Variants in NALF1 observed in about 807,000 individuals in gnomAD.
NALF1 encodes the protein family with sequence similarity 155 member A.
In NALF1, 3 loss-of-function variants were observed where a neutral mutation model predicts 48.4. The observed-to-expected ratio is 0.06, with a 90% confidence interval of 0.03 to 0.16. The LOEUF is 0.16. Among genes scored for constraint, NALF1 ranks in the 10% least tolerant of loss-of-function variants. The pLI is 1.00. For missense variants in NALF1, 526 were observed against 571.5 expected (o/e 0.92, Z 0.81); for synonymous variants, 262 against 245.7 (o/e 1.07, Z -0.62).
intron 2 of NALF1, among the ~76,000 whole-genome samples, chr13:107,209,944 A>C (rs1039591820): frequency 6.6e-6 from 1 of 152,146 alleles, no homozygotes; most frequent in African/African-American, 2.4e-5. Context: ...TATTCTGTCT[A>C]AATTATGTAA....
chr13:107,839,498 A>G (rs980430235), intron 1 of NALF1, among the ~76,000 whole-genome samples: 1 of 151,604 alleles, frequency 6.6e-6, no homozygotes, highest in African/African-American at 2.4e-5. Flanking sequence ...GTTGCCAGGC[A>G]TTGTACAAGC....
chr13:107,745,412 A>G (rs961303632), intron 1 of NALF1, among the ~76,000 whole-genome samples: 1 of 152,216 alleles, frequency 6.6e-6, no homozygotes, highest in African/African-American at 2.4e-5. Context: ...GTTGGATTAA[A>G]TGATTACAAA....
chr13:107,865,937 A>G lies in NALF1; in HGVS notation c.660T>C (p.Asp220=). 6.2e-7 allele frequency: 1 copy of G among 1,613,826 alleles called. No individual in the cohort carries two copies. The highest frequency in any genetic ancestry group is 8.5e-7 in the Non-Finnish European group (1 of 1,180,008). Reference sequence around the variant, plus strand: ...AGGAATTACAAAACGAAAGGTAAAAATCCGACAAGTTCCAGAGCGGAGTGG... The same window carrying G: ...AGGAATTACAAAACGAAAGGTAAAAGTCCGACAAGTTCCAGAGCGGAGTGG... ...KHPTPLWNLS[D]FYLSFCNSYT... is the part of the protein sequence containing the mutation. Residue 220 remains aspartate, a synonymous_variant, in exon 1 of 3, where the codon GAT becomes GAC. Coordinates refer to ENST00000375915, the MANE Select transcript of NALF1 (RefSeq NM_001080396.3).
At chr13:107,262,723 T>C (rs7332813) in intron 1 of NALF1, among the ~76,000 whole-genome samples, 147,739 of 151,570 alleles carry the variant, frequency 0.97, 72,119 homozygotes, top group East Asian at 1. Context: ...ATTATCAGGG[T>C]GAAAGACATC....
Position 107,866,361 on chromosome 13 carries a change from T to C in NALF1, c.236A>G (p.Gln79Arg), listed in dbSNP as rs1476528864. ...CCTCTGCTGCTGCTGCTGCTGCTGC[T>C]GCTGCCGCTGCTGCTGCTGGTGCTC... ...DKEHQQQQRQ[Q>R]QQQQQQQRQR... Residue 79 changes from glutamine (Q) to arginine (R), a missense_variant, in exon 1 of 3, where the codon CAG becomes CGG. Physicochemically the swap from Gln to Arg is conservative, Grantham distance 43. Coordinates refer to ENST00000375915, the MANE Select transcript of NALF1 (RefSeq NM_001080396.3). The surrounding 1 kb of genome is among the most constrained non-coding windows in gnomAD (Gnocchi z 4.4). 7.0e-5 allele frequency: 110 copies of C among 1,571,218 alleles called. No individual in the cohort carries two copies. Among genetic ancestry groups the C allele is most frequent in the South Asian group, 8.8e-5 (8 of 90,512 alleles).
chr13:107,304,438 T>G (rs1412773230), intron 1 of NALF1, among the ~76,000 whole-genome samples: 1 of 152,228 alleles, frequency 6.6e-6, no homozygotes, highest in Admixed American at 6.5e-5. Flanking sequence ...CATTTTCCTT[T>G]AAAGAACTTG....
At chr13:107,758,073 T>C (rs1453306499) in intron 1 of NALF1, among the ~76,000 whole-genome samples, 2 of 152,150 alleles carry the variant, frequency 1.3e-5, no homozygotes, top group African/African-American at 4.8e-5. Context: ...CCTTCAAAAG[T>C]GACAAGAGAA....
intron 1 of NALF1, among the ~76,000 whole-genome samples, chr13:107,212,629 G>A (rs1418774797): frequency 6.6e-6 from 1 of 152,104 alleles, no homozygotes; most frequent in African/African-American, 2.4e-5. Flanking sequence ...AGTTGAAAAC[G>A]TTTGTCAAAA....
At chr13:107,576,936 G>A (rs972506386) in intron 1 of NALF1, among the ~76,000 whole-genome samples, 3 of 152,182 alleles carry the variant, frequency 2.0e-5, no homozygotes, top group Admixed American at 1.3e-4. Flanking sequence ...AGCATTACAA[G>A]GAAGGGAGTT....
rs1373455596 is a variant in NALF1 at position 107,169,709 on chromosome 13, G to A, written c.*788C>T. ...ACTGTCTGATTCCACCTATTATGGA[G>A]AGCACTTGTTTGTTCAGCTAAAAAG... On this transcript the variant is annotated 3_prime_UTR_variant, in exon 3 of 3. Coordinates refer to ENST00000375915, the MANE Select transcript of NALF1 (RefSeq NM_001080396.3). 1.3e-5 allele frequency: 2 copies of A among 152,562 alleles called. No homozygotes were observed. The highest frequency in any genetic ancestry group is 2.9e-5 in the Non-Finnish European group (2 of 68,048). 9.5% of individuals were successfully genotyped at this position (152,562 alleles called of 1,614,324 possible).
At chr13:107,286,726 G>C (rs958279654) in intron 1 of NALF1, among the ~76,000 whole-genome samples, 10 of 152,034 alleles carry the variant, frequency 6.6e-5, no homozygotes, top group African/African-American at 1.7e-4. Context: ...ACGACATATT[G>C]ATACATGGAT....
chr13:107,408,337 C>T (rs1883934368), intron 1 of NALF1, among the ~76,000 whole-genome samples: 1 of 151,914 alleles, frequency 6.6e-6, no homozygotes. Context: ...TACCCATTTA[C>T]CCTGATGTGA....
intron 1 of NALF1, among the ~76,000 whole-genome samples, chr13:107,505,882 T>C (rs747547635): frequency 3.3e-5 from 5 of 152,190 alleles, no homozygotes; most frequent in South Asian, 2.1e-4. Context: ...TTTCCCACTA[T>C]ATTAAAAACT....
intron 1 of NALF1, among the ~76,000 whole-genome samples, chr13:107,779,434 T>C (rs778723327): frequency 1.3e-5 from 2 of 152,242 alleles, no homozygotes; most frequent in Non-Finnish European, 2.9e-5. Context: ...GTCACACTTA[T>C]GATGATATTG....
chr13:107,213,171 TA>T (rs1350785503), intron 1 of NALF1, among the ~76,000 whole-genome samples: 4 of 150,212 alleles, frequency 2.7e-5, no homozygotes, highest in Non-Finnish European at 5.9e-5. Context: ...TATCCATTTT[TA>T]TTCTGGCTCC....
At chr13:107,801,728 A>G (rs1878618696) in intron 1 of NALF1, among the ~76,000 whole-genome samples, 2 of 152,208 alleles carry the variant, frequency 1.3e-5, no homozygotes, top group African/African-American at 4.8e-5. Flanking sequence ...TAACATTGAT[A>G]GAGAGCAATT....
At chr13:107,690,407 C>T (rs1297057886) in intron 1 of NALF1, among the ~76,000 whole-genome samples, 4 of 152,302 alleles carry the variant, frequency 2.6e-5, no homozygotes, top group Admixed American at 1.3e-4. Context: ...GTTTCCAGGA[C>T]TTGACTTCCC....
chr13:107,801,305 C>T lies in NALF1; in HGVS notation c.915+64377G>A, dbSNP rs142649421. On this transcript the variant is annotated intron_variant, in intron 1 of 2. Transcript: ENST00000375915. ...TTCTGAGGTACCCATGCATAGAAAG[C>T]ATAGCAATAAGACATCGCCCAGATA... Among the ~76,000 whole-genome samples, 510 of 152,224 alleles carry T rather than the reference C, an allele frequency of 3.4e-3. 3 individuals carry two copies. The highest frequency in any genetic ancestry group is 0.012 in the African/African-American group (494 of 41,534).
chr13:107,779,644 A>T lies in NALF1; in HGVS notation c.915+86038T>A, dbSNP rs189598541. On this transcript the variant is annotated intron_variant, in intron 1 of 2. Transcript: ENST00000375915. ...CTGGCTTGCCAAGCACTCGTTCTGTAGTCTGCCTTTTAAACTAAGTTTGAC... is the reference window on the plus strand; with the variant it reads ...CTGGCTTGCCAAGCACTCGTTCTGTTGTCTGCCTTTTAAACTAAGTTTGAC... Among the ~76,000 whole-genome samples the T allele has an allele frequency of 2.7e-3, 416 of 152,310 alleles. 1 individual carries two copies. The highest frequency in any genetic ancestry group is 0.014 in the Middle Eastern group (4 of 294).
Sources: gnomAD v4.1 joint callset for allele counts (sites outside exome capture counted in the v4.1 genomes callset) on GRCh38, gnomAD v4.1.1 for gene constraint, Gnocchi (gnomAD v3.1) non-coding constraint, MANE v1.5 for transcripts, NCBI Gene and HGNC (gene_info 2026-07-23, HGNC 2026-07-21) for gene names.